INPP5F: variants seen among roughly 807,000 people sequenced by gnomAD.
INPP5F encodes the protein inositol polyphosphate-5-phosphatase F.
INPP5F carries 97 observed loss-of-function variants against 137.2 expected under a neutral mutation model. That is an observed-to-expected ratio of 0.71 (90% CI 0.60 to 0.84). The LOEUF (loss-of-function observed/expected upper bound fraction) is 0.84, where lower values mean the gene tolerates loss of function less well. INPP5F is among the 40% of genes least tolerant of loss of function. INPP5F has a pLI of 0.00. For missense variants in INPP5F, 1,271 were observed against 1,371.9 expected (o/e 0.93, Z 1.16); for synonymous variants, 504 against 476.9 (o/e 1.06, Z -0.74).
intron 1 of INPP5F, among the ~76,000 whole-genome samples, chr10:119,737,592 A>G (rs181593945): frequency 2.0e-5 from 3 of 152,228 alleles, no homozygotes; most frequent in Non-Finnish European, 2.9e-5. Flanking sequence ...AGCTGCTAGA[A>G]CTTCTAAATT....
At chr10:119,800,700 CA>C (rs1219402488) in intron 9 of INPP5F, among the ~76,000 whole-genome samples, 8 of 151,924 alleles carry the variant, frequency 5.3e-5, no homozygotes, top group Non-Finnish European at 1.2e-4. Flanking sequence ...CAGGGAAATG[CA>C]AATTAAAGCC....
intron 12 of INPP5F, 101 bp from the exon 13 acceptor site, chr10:119,807,831 C>T: frequency 8.7e-7 from 1 of 1,150,558 alleles, no homozygotes. Context: ...ATTTAAGGGT[C>T]CTAAATTGTA....
intron 1 of INPP5F, among the ~76,000 whole-genome samples, chr10:119,730,912 C>T (rs958236131): frequency 6.6e-5 from 10 of 151,918 alleles, no homozygotes; most frequent in South Asian, 4.1e-4. Flanking sequence ...CTCAGCCTCC[C>T]GAGTAGCTGG....
At chr10:119,757,923 T>C (rs1039091655) in intron 2 of INPP5F, among the ~76,000 whole-genome samples, 3 of 152,258 alleles carry the variant, frequency 2.0e-5, no homozygotes, top group African/African-American at 7.2e-5. Flanking sequence ...TCTATTCTGC[T>C]TACCTGCTGT....
At chr10:119,742,152 CTTAT>C (rs59040706) in intron 1 of INPP5F, among the ~76,000 whole-genome samples, 1 of 150,106 alleles carries the variant, frequency 6.7e-6, no homozygotes, top group Non-Finnish European at 1.5e-5. Flanking sequence ...TGTTATTTTA[CTTAT>C]TTATTTATTT....
intron 1 of INPP5F, among the ~76,000 whole-genome samples, chr10:119,749,084 C>G (rs1848620309): frequency 6.6e-6 from 1 of 152,206 alleles, no homozygotes. Flanking sequence ...GTGACGGTCC[C>G]CAGGCTCGGC....
intron 2 of INPP5F, among the ~76,000 whole-genome samples, chr10:119,754,242 A>G (rs1848770339): frequency 6.6e-6 from 1 of 152,230 alleles, no homozygotes; most frequent in African/African-American, 2.4e-5. Flanking sequence ...GGTGGGAGGC[A>G]GAGCAGGAGG....
intron 2 of INPP5F, among the ~76,000 whole-genome samples, chr10:119,765,895 AG>A (rs1248007506): frequency 6.7e-6 from 1 of 150,050 alleles, no homozygotes. Flanking sequence ...AGAGAGAGAG[AG>A]AGACGGAGAT....
chr10:119,763,420 C>T (rs1849063441), intron 2 of INPP5F, among the ~76,000 whole-genome samples: 1 of 152,232 alleles, frequency 6.6e-6, no homozygotes, highest in South Asian at 2.1e-4. Flanking sequence ...AGGAAGCAGC[C>T]CTGATGATCT....
At chr10:119,764,949 T>G (rs1849113433) in intron 2 of INPP5F, among the ~76,000 whole-genome samples, 1 of 151,296 alleles carries the variant, frequency 6.6e-6, no homozygotes, top group African/African-American at 2.4e-5. Context: ...ATTTATTTTT[T>G]GAGACAGAGT....
At chr10:119,741,855 T>C (rs1260412452) in intron 1 of INPP5F, among the ~76,000 whole-genome samples, 2 of 152,042 alleles carry the variant, frequency 1.3e-5, no homozygotes, top group African/African-American at 4.8e-5. Flanking sequence ...TTTTTTGAGA[T>C]GGAGTCTCAC....
At chr10:119,783,255 T>C (rs909568624) in intron 3 of INPP5F, among the ~76,000 whole-genome samples, 10 of 152,316 alleles carry the variant, frequency 6.6e-5, no homozygotes, top group African/African-American at 2.4e-4. Flanking sequence ...GCTGGCAGTG[T>C]CTTTTGGATG....
intron 2 of INPP5F, chr10:119,768,484 T>C (rs1040953069): frequency 6.6e-6 from 1 of 151,948 alleles, no homozygotes; most frequent in Non-Finnish European, 1.5e-5. Context: ...AGTAGTGGGG[T>C]CGTGCCTGTG....
At chr10:119,742,745 C>T (rs1028489241) in intron 1 of INPP5F, among the ~76,000 whole-genome samples, 5 of 152,058 alleles carry the variant, frequency 3.3e-5, no homozygotes, top group African/African-American at 1.2e-4. Context: ...GTAATCCCAG[C>T]ACTTTGGGAG....
intron 1 of INPP5F, among the ~76,000 whole-genome samples, chr10:119,735,655 G>A (rs941278447): frequency 3.3e-5 from 5 of 152,134 alleles, no homozygotes; most frequent in Admixed American, 6.6e-5. Context: ...GGGTGGACCC[G>A]GGAGTTGAGC....
At chr10:119,823,265 G>T in intron 18 of INPP5F, 66 bp downstream of exon 18, 1 of 1,471,944 alleles carries the variant, frequency 6.8e-7, no homozygotes, top group Non-Finnish European at 9.3e-7. Flanking sequence ...AGCCCAAATG[G>T]AATTGGGGAC....
chr10:119,802,565 A>G (rs1850630632), intron 9 of INPP5F, among the ~76,000 whole-genome samples: 1 of 152,128 alleles, frequency 6.6e-6, no homozygotes, highest in African/African-American at 2.4e-5. Context: ...CTGTTTAATC[A>G]TTTCTCTATT....
rs548305072 is a variant in INPP5F at position 119,729,549 on chromosome 10, T to C, written c.97+3190T>C. 1.8e-4 allele frequency among the ~76,000 whole-genome samples: 28 copies of C among 151,852 alleles called. No individual in the cohort carries two copies. The South Asian group carries it at 5.6e-3, about 30-fold the overall frequency. On this transcript the variant is annotated intron_variant, in intron 1 of 19. Transcript: ENST00000650623. ...AGGTACACCTGCACTTGTGTTATAT[T>C]TCTATCTGATGTAGCATTATCTCAT...
intron 2 of INPP5F, among the ~76,000 whole-genome samples, chr10:119,753,559 T>A (rs1848747453): frequency 6.6e-6 from 1 of 152,178 alleles, no homozygotes; most frequent in Non-Finnish European, 1.5e-5. Context: ...CCTCTCTCCA[T>A]GTCTCTCATC....
Sources: allele counts gnomAD v4.1 joint callset (sites outside exome capture counted in the v4.1 genomes callset), GRCh38; gene constraint gnomAD v4.1.1; transcripts MANE v1.5; gene names NCBI Gene and HGNC (gene_info 2026-07-23, HGNC 2026-07-21).